Variants in KCNS3 observed in about 807,000 individuals in gnomAD.
The protein encoded by KCNS3 is delayed-rectifier potassium channel regulatory subunit KCNS3.
A neutral mutation model predicts 31.0 loss-of-function variants in KCNS3; 13 were observed. That is an observed-to-expected ratio of 0.42 (90% CI 0.27 to 0.67). KCNS3 has a LOEUF of 0.67. Ranked by LOEUF, KCNS3 falls within the 30% of genes least tolerant of loss-of-function variation. KCNS3 has a pLI of 0.25. For missense variants in KCNS3, 545 were observed against 622.4 expected (o/e 0.88, Z 1.32); for synonymous variants, 238 against 241.5 (o/e 0.99, Z 0.13).
chr2:17,931,573 A>G lies in KCNS3; in HGVS notation c.565A>G (p.Ile189Val), dbSNP rs116042532. The part of the protein sequence containing the change: ...AYCLSAKLIA[I>V]SSLSVVLASI... ...CTGCCTGTCCGCTAAGCTTATCGCT[A>G]TCTCCTCCTTGAGCGTGGTGCTGGC... is the stretch of plus-strand genomic sequence containing the variant. The change falls in exon 3 of 3, where the codon ATC becomes GTC. Residue 189 changes from isoleucine to valine, a missense_variant. By Grantham distance (29) the Ile-to-Val change is conservative. Transcript: ENST00000304101. The surrounding 1 kb of genome is among the most constrained non-coding windows in gnomAD (Gnocchi z 5.4). 4.6e-4 allele frequency: 749 copies of G among 1,614,148 alleles called. 2 individuals are homozygous for G. In the African/African-American group the frequency reaches 8.5e-3, roughly 18 times the overall value.
chr2:17,896,575 G>A (rs1662032810), intron 1 of KCNS3, among the ~76,000 whole-genome samples: 1 of 151,884 alleles, frequency 6.6e-6, no homozygotes, highest in South Asian at 2.1e-4. Context: ...GGAAGATTGA[G>A]TGGAATTTTT....
At chr2:17,926,185 G>T (rs937686171) in intron 2 of KCNS3, among the ~76,000 whole-genome samples, 2 of 152,242 alleles carry the variant, frequency 1.3e-5, no homozygotes, top group Non-Finnish European at 2.9e-5. Context: ...AGGTCACAGT[G>T]ATGCAAGAAG....
Position 17,932,097 on chromosome 2 carries a change from G to A in KCNS3, c.1089G>A (p.Trp363Ter). The change falls in exon 3 of 3, where the codon TGG becomes TGA. Residue 363 changes from tryptophan (W) to a stop codon, truncating the protein, a stop_gained. Transcript: ENST00000304101. LOFTEE classifies it high-confidence loss of function. The stretch of plus-strand genomic sequence containing the variant: ...CCAGCATCCCCATCTGCTGGTGGTG[G>A]GCCACCATCAGCATGACAACTGTGG... ...SLTSIPICWW[W>*]ATISMTTVGY... is the part of the protein sequence containing the mutation. 6.2e-7 allele frequency: 1 copy of A among 1,613,826 alleles called. No individual in the cohort carries two copies. Among genetic ancestry groups the A allele is most frequent in the Non-Finnish European group, 8.5e-7 (1 of 1,179,976 alleles).
chr2:17,888,620 A>G, intron 1 of KCNS3, among the ~76,000 whole-genome samples: 1 of 70,150 alleles, frequency 1.4e-5, no homozygotes, highest in Non-Finnish European at 2.6e-5. Flanking sequence ...AAAGTATAAT[A>G]AAAAAAATGT....
intron 1 of KCNS3, among the ~76,000 whole-genome samples, chr2:17,902,776 A>G (rs1662214122): frequency 6.6e-6 from 1 of 152,170 alleles, no homozygotes; most frequent in Non-Finnish European, 1.5e-5. Context: ...TCCTTTTAGT[A>G]TTAGCCAGGT....
intron 2 of KCNS3, among the ~76,000 whole-genome samples, chr2:17,926,109 C>T (rs1662831712): frequency 6.6e-6 from 1 of 152,212 alleles, no homozygotes; most frequent in Non-Finnish European, 1.5e-5. Flanking sequence ...AGTCTGAAAC[C>T]CATCAGGGGA....
intron 1 of KCNS3, among the ~76,000 whole-genome samples, chr2:17,913,919 G>T (rs1662527947): frequency 6.6e-6 from 1 of 152,302 alleles, no homozygotes; most frequent in African/African-American, 2.4e-5. Context: ...GCCTCCACAA[G>T]AAAGAATTAC....
rs182866580 is a variant in KCNS3 at position 17,927,133 on chromosome 2, G to T, written c.-59-3817G>T. Among the ~76,000 whole-genome samples, 320 of 152,294 alleles carry T rather than the reference G, an allele frequency of 2.1e-3. 2 individuals carry two copies. The highest frequency in any genetic ancestry group is 7.4e-3 in the African/African-American group (308 of 41,560). On this transcript the variant is annotated intron_variant, in intron 2 of 2. Coordinates refer to ENST00000304101, the MANE Select transcript of KCNS3 (RefSeq NM_002252.5). ...GTTCAAAGTTCTACAGATCTCTACA[G>T]CAGGGGGAAAATGCCACCAGTCTCT...
At chr2:17,921,568 T>G (rs1159560640) in intron 2 of KCNS3, among the ~76,000 whole-genome samples, 2 of 151,672 alleles carry the variant, frequency 1.3e-5, no homozygotes, top group African/African-American at 2.4e-5. Context: ...GGGAAAGAGG[T>G]TTAATTGATT....
chr2:17,882,358 C>T (rs1674662852), intron 1 of KCNS3, among the ~76,000 whole-genome samples: 1 of 152,166 alleles, frequency 6.6e-6, no homozygotes, highest in Non-Finnish European at 1.5e-5. Context: ...GAGTTATAAG[C>T]TATAGGTGGG....
rs866065023 is a variant in KCNS3, at chr2:17,889,080, G to T, written c.-252+10274G>T. 2.2e-4 allele frequency among the ~76,000 whole-genome samples: 34 copies of T among 152,166 alleles called. 1 individual carries two copies. Among genetic ancestry groups the T allele is most frequent in the Middle Eastern group, 6.8e-3 (2 of 294 alleles). On this transcript the variant is annotated intron_variant, in intron 1 of 2. Transcript: ENST00000304101. ...ATGAGCATGGGATGTGTTTCCATTT[G>T]TTTGTCTTGTCTATGATTCCTTTTA...
chr2:17,896,806 C>T (rs1019733967), intron 1 of KCNS3, among the ~76,000 whole-genome samples: 2 of 152,152 alleles, frequency 1.3e-5, no homozygotes, highest in Non-Finnish European at 1.5e-5. Flanking sequence ...TGGAAGAGAC[C>T]TCTAGAGTGA....
At chr2:17,903,757 T>C (rs1350476766) in intron 1 of KCNS3, among the ~76,000 whole-genome samples, 2 of 152,172 alleles carry the variant, frequency 1.3e-5, no homozygotes, top group African/African-American at 4.8e-5. Context: ...GGTTTCCAGC[T>C]TCATCCATGT....
intron 2 of KCNS3, among the ~76,000 whole-genome samples, chr2:17,924,917 T>C (rs1662800733): frequency 6.6e-6 from 1 of 152,178 alleles, no homozygotes; most frequent in African/African-American, 2.4e-5. Context: ...TTGTGGAAGA[T>C]TGGTGGTGAT....
At chr2:17,904,600 A>G (rs976921353) in intron 1 of KCNS3, among the ~76,000 whole-genome samples, 71 of 152,210 alleles carry the variant, frequency 4.7e-4, no homozygotes, top group African/African-American at 1.6e-3. Context: ...TAGGTCTAAC[A>G]TTTAAGTCTT....
At chr2:17,926,547 C>G (rs1662841630) in intron 2 of KCNS3, among the ~76,000 whole-genome samples, 2 of 152,358 alleles carry the variant, frequency 1.3e-5, no homozygotes, top group East Asian at 1.9e-4. Flanking sequence ...GTTCCCAAAC[C>G]TCAGTTCTTC....
chr2:17,894,777 C>T (rs1190360463), intron 1 of KCNS3, among the ~76,000 whole-genome samples: 1 of 152,212 alleles, frequency 6.6e-6, no homozygotes, highest in Non-Finnish European at 1.5e-5. Context: ...GGCCCTGAGC[C>T]GGCTAACATC....
Position 17,905,889 on chromosome 2 carries a change from C to T in KCNS3, c.-251-11791C>T, listed in dbSNP as rs199734678. ...CGTATTTTATTGAGGATTTTTGCAT[C>T]GATGTTCATCAAGGATATTGGTCTA... On this transcript the variant is annotated intron_variant, in intron 1 of 2. Transcript: ENST00000304101. Among the ~76,000 whole-genome samples the T allele has an allele frequency of 2.7e-4, 41 of 152,222 alleles. No individual in the cohort carries two copies. The East Asian group carries it at 6.4e-3, about 24-fold the overall frequency.
intron 2 of KCNS3, among the ~76,000 whole-genome samples, chr2:17,921,913 G>GTATATATATATATATATA (rs1373281256): frequency 2.9e-5 from 1 of 34,104 alleles, no homozygotes; most frequent in Non-Finnish European, 5.4e-5. Flanking sequence ...GTGTGTGTGT[G>GTATATATATATATATATA]TGTATATATA....
Sources: allele counts gnomAD v4.1 joint callset (sites outside exome capture counted in the v4.1 genomes callset), GRCh38; gene constraint gnomAD v4.1.1; non-coding constraint Gnocchi (gnomAD v3.1); transcripts MANE v1.5; gene names NCBI Gene and HGNC (gene_info 2026-07-23, HGNC 2026-07-21).